Variants in FBXO34 observed in about 807,000 individuals in gnomAD.
FBXO34 encodes F-box protein 34.
A neutral mutation model predicts 24.5 loss-of-function variants in FBXO34; 12 were observed. That is an observed-to-expected ratio of 0.49 (90% CI 0.31 to 0.79). The LOEUF is 0.79. FBXO34 is among the 30% of genes least tolerant of loss of function. The probability of loss-of-function intolerance (pLI) is 0.04; values close to 1 mark genes in which losing one functional copy is unlikely to be tolerated. For missense variants in FBXO34, 823 were observed against 857.7 expected, an observed-to-expected ratio of 0.96 and a Z score of 0.51; for synonymous variants, 320 against 311.9, an observed-to-expected ratio of 1.03 and a Z score of -0.27.
Position 55,350,972 on chromosome 14 carries a change from C to G in FBXO34, c.582C>G (p.Asp194Glu). 1 of 1,614,156 alleles carries G rather than the reference C, an allele frequency of 6.2e-7. No individual in the cohort carries two copies. Among genetic ancestry groups the G allele is most frequent in the South Asian group, 1.1e-5 (1 of 91,080 alleles). ...ACTGTTCTGTGCACTATGTGAGTGA[C>G]AGTGGGGATGGAGTCTATGCTGGGA... ...IEHCSVHYVS[D>E]SGDGVYAGRP... Residue 194 changes from aspartate (D) to glutamate (E), a missense_variant, in exon 2 of 2, where the codon GAC becomes GAG. Physicochemically the swap from Asp to Glu is conservative, Grantham distance 45. Transcript: ENST00000313833.
chr14:55,370,149 A>G (rs1034678326), downstream of FBXO34, among the ~76,000 whole-genome samples: 4 of 152,180 alleles, frequency 2.6e-5, no homozygotes, highest in African/African-American at 9.7e-5. Flanking sequence ...ACACTTTCCC[A>G]CAAGTCTGCC....
At chr14:55,295,995 T>C (rs1466475841) in intron 1 of FBXO34, among the ~76,000 whole-genome samples, 1 of 152,184 alleles carries the variant, frequency 6.6e-6, no homozygotes, top group Non-Finnish European at 1.5e-5. Flanking sequence ...TATGTTAAAG[T>C]TAACCAATGC....
intron 1 of FBXO34, among the ~76,000 whole-genome samples, chr14:55,328,551 A>G (rs1353723344): frequency 6.6e-6 from 1 of 152,206 alleles, no homozygotes; most frequent in African/African-American, 2.4e-5. Context: ...ATTTCATCAC[A>G]CTTCTACAAA....
At chr14:55,437,475 C>T in the FBXO34 span, among the ~76,000 whole-genome samples, 314 of 152,308 alleles carry the variant, frequency 2.1e-3, no homozygotes, top group African/African-American at 6.8e-3. Flanking sequence ...GAGACTCCAT[C>T]TAAAAAATGA....
chr14:55,380,853 G>GTATATATATATATA, the FBXO34 span, among the ~76,000 whole-genome samples: 18 of 108,024 alleles, frequency 1.7e-4, no homozygotes, highest in African/African-American at 4.7e-4. Context: ...CATTCTTTGT[G>GTATATATATATATA]TGTATATATA....
the FBXO34 span, chr14:55,435,743 A>T: frequency 2.3e-6 from 2 of 879,394 alleles, no homozygotes; most frequent in South Asian, 1.8e-5. Flanking sequence ...TTCAGTAACA[A>T]TTTTTTAAGA....
intron 1 of FBXO34, among the ~76,000 whole-genome samples, chr14:55,348,798 A>G (rs913631212): frequency 6.6e-6 from 1 of 152,228 alleles, no homozygotes; most frequent in African/African-American, 2.4e-5. Flanking sequence ...TTAAAAGTTG[A>G]AGGTGAAAGG....
At chr14:55,422,999 T>TAA in the FBXO34 span, among the ~76,000 whole-genome samples, 1 of 151,554 alleles carries the variant, frequency 6.6e-6, no homozygotes, top group Admixed American at 6.6e-5. Flanking sequence ...CAGGAAAAAA[T>TAA]AACAAATATA....
chr14:55,330,394 A>C (rs1205990706), intron 1 of FBXO34, among the ~76,000 whole-genome samples: 2 of 152,316 alleles, frequency 1.3e-5, no homozygotes, highest in East Asian at 3.9e-4. Flanking sequence ...GATTTGTCAT[A>C]TAAATGGGTG....
intron 3 of FBXO34, among the ~76,000 whole-genome samples, chr14:55,360,640 TAAAC>T (rs1230177114): frequency 6.6e-6 from 1 of 152,192 alleles, no homozygotes; most frequent in African/African-American, 2.4e-5. Context: ...ATGTTTATTT[TAAAC>T]AACGAGAGGC....
chr14:55,277,437 C>T (rs1269426929), intron 1 of FBXO34, among the ~76,000 whole-genome samples: 1 of 152,176 alleles, frequency 6.6e-6, no homozygotes, highest in Non-Finnish European at 1.5e-5. Flanking sequence ...CCTCCTTCCT[C>T]AGCCTCTTGA....
the FBXO34 span, chr14:55,438,880 T>C: frequency 6.6e-6 from 1 of 150,848 alleles, no homozygotes; most frequent in African/African-American, 2.4e-5. Flanking sequence ...GTGCTGATCA[T>C]TGTCTTTATA....
Position 55,351,678 on chromosome 14 carries a change from G to A in FBXO34, c.1288G>A (p.Asp430Asn), listed in dbSNP as rs2140092499. The A allele has an allele frequency of 6.2e-7, 1 of 1,614,218 alleles. No individual in the cohort carries two copies. Among genetic ancestry groups the A allele is most frequent in the Non-Finnish European group, 8.5e-7 (1 of 1,180,046 alleles). ...TYSQASELPTDAVDCMSRELV... is the reference protein window; with the variant it reads ...TYSQASELPTNAVDCMSRELV... ...TTCCCAAGCCTCTGAATTGCCCACAGATGCTGTTGATTGTATGAGCAGAGA... is the reference window on the plus strand; with the variant it reads ...TTCCCAAGCCTCTGAATTGCCCACAAATGCTGTTGATTGTATGAGCAGAGA... Residue 430 changes from aspartate (D) to asparagine (N), a missense_variant, in exon 2 of 2, where the codon GAT becomes AAT. Asp to Asn is a conservative substitution (Grantham distance 23). Transcript: ENST00000313833.
chr14:55,327,769 T>A (rs1255859027), intron 1 of FBXO34, among the ~76,000 whole-genome samples: 4 of 152,006 alleles, frequency 2.6e-5, no homozygotes, highest in South Asian at 2.1e-4. Context: ...CTCCGGTGGA[T>A]TCCTGAAACC....
intron 1 of FBXO34, among the ~76,000 whole-genome samples, chr14:55,295,687 C>G (rs538025609): frequency 6.6e-6 from 1 of 152,120 alleles, no homozygotes; most frequent in African/African-American, 2.4e-5. Context: ...TGAGCCACTG[C>G]GCCCAGCTGA....
rs192318066 is a variant in FBXO34, at chr14:55,300,363, C to G, written c.-11+28826C>G. ...ATCCCAGCACTTTAGGAGGCTGAGG[C>G]GGGTGGATCACGAGGTCAGGAGTTC... On this transcript the variant is annotated intron_variant, in intron 1 of 1. Coordinates refer to ENST00000313833, the MANE Select transcript of FBXO34 (RefSeq NM_017943.4). Among the ~76,000 whole-genome samples the G allele has an allele frequency of 1.3e-3, 198 of 152,172 alleles. 1 individual carries two copies. The highest frequency in any genetic ancestry group is 4.7e-3 in the African/African-American group (195 of 41,508).
chr14:55,293,129 C>T (rs1566543158), intron 1 of FBXO34, among the ~76,000 whole-genome samples: 5 of 151,604 alleles, frequency 3.3e-5, no homozygotes, highest in Admixed American at 3.3e-4. Flanking sequence ...GTGATCTACT[C>T]GCCTTGGCCT....
the FBXO34 span, chr14:55,391,013 A>G: frequency 6.4e-7 from 1 of 1,567,384 alleles, no homozygotes; most frequent in South Asian, 1.1e-5. Flanking sequence ...CATGTAATAA[A>G]TATCACAAAC....
chr14:55,368,028 A>G (rs543994653), exon 3 of FBXO34: 21 of 152,770 alleles, frequency 1.4e-4, no homozygotes, highest in African/African-American at 4.8e-4. Context: ...CACATAAGAT[A>G]TGGTAATAAT....
Sources: gnomAD v4.1 joint callset for allele counts (sites outside exome capture counted in the v4.1 genomes callset) on GRCh38, gnomAD v4.1.1 for gene constraint, MANE v1.5 for transcripts, NCBI Gene and HGNC (gene_info 2026-07-23, HGNC 2026-07-21) for gene names.